ATP8A2: variants seen among roughly 807,000 people sequenced by gnomAD.
ATP8A2 encodes phospholipid-transporting ATPase IB.
Under a neutral mutation model 165.6 loss-of-function variants are expected in ATP8A2, and 100 were observed. The observed-to-expected ratio is 0.60, with a 90% confidence interval of 0.51 to 0.71. The LOEUF is 0.71. ATP8A2 is among the 30% of genes least tolerant of loss of function. ATP8A2 has a pLI of 0.00. For synonymous variants in ATP8A2, 543 were observed against 548.8 expected (o/e 0.99, Z 0.15); for missense variants, 1,227 against 1,479.5 (o/e 0.83, Z 2.80).
intron 25 of ATP8A2, among the ~76,000 whole-genome samples, chr13:25,708,497 A>C (rs896792165): frequency 3.9e-5 from 6 of 152,176 alleles, no homozygotes; most frequent in African/African-American, 1.4e-4. Flanking sequence ...TTTCCTGTCT[A>C]TACATCTGAC....
intron 2 of ATP8A2, among the ~76,000 whole-genome samples, chr13:25,480,912 C>G (rs1029397778): frequency 7.9e-5 from 12 of 152,030 alleles, no homozygotes; most frequent in African/African-American, 2.2e-4. Flanking sequence ...CTGGCACCTC[C>G]GGAGGCCGAG....
intron 2 of ATP8A2, among the ~76,000 whole-genome samples, chr13:25,516,024 A>G (rs541924540): frequency 1.1e-4 from 17 of 152,346 alleles, no homozygotes; most frequent in Middle Eastern, 3.4e-3. Flanking sequence ...AGAATAATAT[A>G]GCTTGCCCCA....
At chr13:25,411,492 G>A (rs1297408342) in intron 1 of ATP8A2, among the ~76,000 whole-genome samples, 1 of 152,184 alleles carries the variant, frequency 6.6e-6, no homozygotes, top group East Asian at 1.9e-4. Context: ...GCCAATCTCA[G>A]AGAGTTGTCT....
Position 25,828,122 on chromosome 13 carries a change from G to A in ATP8A2, c.2684G>A (p.Trp895Ter). 6.2e-7 allele frequency: 1 copy of A among 1,613,626 alleles called. No individual in the cohort carries two copies. The highest frequency in any genetic ancestry group is 8.5e-7 in the Non-Finnish European group (1 of 1,179,596). The change falls in exon 28 of 37, where the codon TGG (tryptophan) becomes TAG (stop). Residue 895 changes from tryptophan (W) to a stop codon, truncating the protein, a stop_gained. Transcript: ENST00000381655. LOFTEE classifies it high-confidence loss of function. ...KNVVLYIIEL[W>*]FAFVNGFSGQ... is the part of the protein sequence containing the mutation. ...ATGAGCTTTCTTCTCTTTCAGCTTT[G>A]GTTCGCCTTTGTTAATGGATTTTCT...
At chr13:25,707,314 A>T (rs1022577154) in intron 25 of ATP8A2, among the ~76,000 whole-genome samples, 3 of 152,216 alleles carry the variant, frequency 2.0e-5, no homozygotes, top group Admixed American at 6.5e-5. Context: ...TACCTATTGC[A>T]GCAAATAATT....
At chr13:25,399,701 C>T (rs1424634649) in intron 1 of ATP8A2, among the ~76,000 whole-genome samples, 1 of 151,532 alleles carries the variant, frequency 6.6e-6, no homozygotes, top group African/African-American at 2.4e-5. Flanking sequence ...CGCGCCCGGC[C>T]CGTGGTTCTT....
At chr13:25,643,102 T>C (rs890655087) in intron 24 of ATP8A2, among the ~76,000 whole-genome samples, 1 of 152,112 alleles carries the variant, frequency 6.6e-6, no homozygotes, top group African/African-American at 2.4e-5. Flanking sequence ...TTAGGAGATA[T>C]ACCTAATGTA....
intron 1 of ATP8A2, among the ~76,000 whole-genome samples, chr13:25,416,414 G>C (rs2034134300): frequency 6.6e-6 from 1 of 152,072 alleles, no homozygotes; most frequent in Non-Finnish European, 1.5e-5. Context: ...TTGTGTTGCT[G>C]TTCCCCTGCT....
intron 1 of ATP8A2, among the ~76,000 whole-genome samples, chr13:25,426,627 TG>T (rs1388596220): frequency 6.6e-6 from 1 of 152,084 alleles, no homozygotes; most frequent in Admixed American, 6.5e-5. Flanking sequence ...TGAACCCTAA[TG>T]CCAACTGTGG....
At chr13:25,729,555 G>A (rs941739331) in intron 25 of ATP8A2, among the ~76,000 whole-genome samples, 2 of 152,166 alleles carry the variant, frequency 1.3e-5, no homozygotes, top group African/African-American at 2.4e-5. Context: ...GTCCAACCAC[G>A]ATGTCATTTA....
chr13:25,628,040 G>A (rs990076072), intron 24 of ATP8A2, among the ~76,000 whole-genome samples: 1 of 152,150 alleles, frequency 6.6e-6, no homozygotes, highest in Non-Finnish European at 1.5e-5. Flanking sequence ...ATATTGCATG[G>A]TGAACTGGGA....
chr13:25,862,721 A>T (rs956623914), intron 33 of ATP8A2, among the ~76,000 whole-genome samples: 1 of 152,226 alleles, frequency 6.6e-6, no homozygotes, highest in Admixed American at 6.5e-5. Flanking sequence ...CAATATGTAC[A>T]GTTGGAAAAC....
At chr13:25,460,704 C>T (rs2035481041) in intron 1 of ATP8A2, among the ~76,000 whole-genome samples, 1 of 152,148 alleles carries the variant, frequency 6.6e-6, no homozygotes, top group Admixed American at 6.5e-5. Context: ...CAACTTTCAC[C>T]CACTGTGCCG....
intron 4 of ATP8A2, among the ~76,000 whole-genome samples, chr13:25,531,135 G>GTA (rs1269183891): frequency 4.4e-5 from 3 of 68,600 alleles, no homozygotes; most frequent in Non-Finnish European, 9.4e-5. Flanking sequence ...TTGTGTGTGT[G>GTA]TGTATATATA....
intron 35 of ATP8A2, among the ~76,000 whole-genome samples, chr13:26,008,505 G>T (rs748185464): frequency 1.3e-5 from 2 of 152,288 alleles, no homozygotes; most frequent in Non-Finnish European, 1.5e-5. Context: ...GAAGCTCCAG[G>T]AGAAGGTAAA....
At position 25,581,764 on chromosome 13, in the gene ATP8A2, A is replaced by G. The variant is rs2039782876; in HGVS notation, c.2008-55A>G. 9 of 1,502,872 alleles carry G rather than the reference A, an allele frequency of 6.0e-6. No individual in the cohort carries two copies. The East Asian group carries it at 2.0e-4, about 34-fold the overall frequency. 93.1% of individuals were successfully genotyped at this position (1,502,872 alleles called of 1,614,324 possible). ...TTGCCTTTCTTTGTCAGAATTTGTT[A>G]GTGCTGTTCTTAAGTATGTGCCAAT... On this transcript the variant is annotated intron_variant, in intron 22 of 36. Transcript: ENST00000381655.
intron 12 of ATP8A2, among the ~76,000 whole-genome samples, chr13:25,554,631 TCA>T (rs1214471730): frequency 6.6e-6 from 1 of 151,922 alleles, no homozygotes; most frequent in African/African-American, 2.4e-5. Flanking sequence ...TGATCTTAGC[TCA>T]CTGCAACTTC....
chr13:25,420,250 A>T (rs2034261084), intron 1 of ATP8A2, among the ~76,000 whole-genome samples: 1 of 152,174 alleles, frequency 6.6e-6, no homozygotes. Flanking sequence ...TTAAAAAACC[A>T]CTTGAAAAGA....
chr13:25,536,384 G>C (rs1232202223), intron 6 of ATP8A2, among the ~76,000 whole-genome samples: 1 of 151,974 alleles, frequency 6.6e-6, no homozygotes, highest in Non-Finnish European at 1.5e-5. Context: ...CCAAAGTGTT[G>C]GGATTATAGG....
Sources: allele counts gnomAD v4.1 joint callset (sites outside exome capture counted in the v4.1 genomes callset), GRCh38; gene constraint gnomAD v4.1.1; transcripts MANE v1.5; gene names NCBI Gene and HGNC (gene_info 2026-07-23, HGNC 2026-07-21).